Variants in SLA observed in about 807,000 individuals in gnomAD.
SLA encodes Src like adaptor, also known as src-like-adapter.
Under a neutral mutation model 30.3 loss-of-function variants are expected in SLA, and 16 were observed. That is an observed-to-expected ratio of 0.53 (90% CI 0.36 to 0.80). SLA has a LOEUF of 0.80. Among genes scored for constraint, SLA ranks in the 30% least tolerant of loss-of-function variants. The pLI, the probability that SLA is intolerant of heterozygous loss-of-function variation, is 0.01. For missense variants in SLA, 310 were observed against 345.2 expected (o/e 0.90, Z 0.81); for synonymous variants, 143 against 137.8 (o/e 1.04, Z -0.26).
intron 1 of SLA, among the ~76,000 whole-genome samples, chr8:133,100,173 C>T (rs191454058): frequency 6.6e-6 from 1 of 152,308 alleles, no homozygotes; most frequent in East Asian, 1.9e-4. Flanking sequence ...TATCAGGGTC[C>T]TGGTACTTGC....
rs756215414 is a variant in SLA, at chr8:133,040,175, T to C, written c.485-45A>G. ...GCCGGTCAGGGACCCTGGGGACGCC[T>C]CAGCCAGTGTGGGGTTCAGGCCTGA... On this transcript the variant is annotated intron_variant, in intron 7 of 8. Transcript: ENST00000338087. 28 of 1,557,044 alleles carry C rather than the reference T, an allele frequency of 1.8e-5. No homozygotes were observed. The South Asian group carries it at 3.1e-4, about 17-fold the overall frequency.
chr8:133,065,163 G>A (rs1455100270), intron 2 of SLA, among the ~76,000 whole-genome samples: 2 of 152,154 alleles, frequency 1.3e-5, no homozygotes, highest in Non-Finnish European at 2.9e-5. Flanking sequence ...CAACAACAAC[G>A]GTGATGACCA....
chr8:133,088,872 A>C (rs11995077), intron 1 of SLA, among the ~76,000 whole-genome samples: 5,498 of 152,320 alleles, frequency 0.036, 341 homozygotes, highest in African/African-American at 0.13. Flanking sequence ...TCAGGCTTTT[A>C]GGGATCAAGA....
intron 3 of SLA, among the ~76,000 whole-genome samples, chr8:133,056,981 G>T (rs973678260): frequency 1.3e-5 from 2 of 152,176 alleles, no homozygotes; most frequent in Non-Finnish European, 2.9e-5. Context: ...CTGCATTTCA[G>T]TTACTTCCCA....
chr8:133,065,989 C>A (rs541646817), intron 2 of SLA, among the ~76,000 whole-genome samples: 1 of 151,960 alleles, frequency 6.6e-6, no homozygotes, highest in South Asian at 2.1e-4. Flanking sequence ...GAGAGCGAGG[C>A]CAGTTGAGGC....
chr8:133,064,945 G>A (rs1267445717), intron 2 of SLA, among the ~76,000 whole-genome samples: 1 of 152,162 alleles, frequency 6.6e-6, no homozygotes, highest in East Asian at 1.9e-4. Context: ...ACCAAGGGAA[G>A]GCAGGTCATA....
intron 3 of SLA, among the ~76,000 whole-genome samples, chr8:133,051,611 A>T (rs573540030): frequency 6.6e-6 from 1 of 152,320 alleles, no homozygotes; most frequent in Admixed American, 6.5e-5. Flanking sequence ...GTGTATTGAA[A>T]GGAATTCTGG....
chr8:133,081,622 C>G (rs750281652), intron 1 of SLA, among the ~76,000 whole-genome samples: 2 of 152,178 alleles, frequency 1.3e-5, no homozygotes, highest in Non-Finnish European at 2.9e-5. Context: ...TCCACCACAA[C>G]TGTCTGCTGC....
intron 3 of SLA, among the ~76,000 whole-genome samples, chr8:133,051,998 G>T (rs1840491616): frequency 1.3e-5 from 2 of 152,138 alleles, no homozygotes; most frequent in South Asian, 2.1e-4. Context: ...TGTTCTACAG[G>T]ATACATAAAT....
intron 2 of SLA, among the ~76,000 whole-genome samples, chr8:133,072,568 CTTT>C (rs1458905898): frequency 6.6e-6 from 1 of 152,188 alleles, no homozygotes; most frequent in African/African-American, 2.4e-5. Flanking sequence ...TTGATGGGAA[CTTT>C]AAGTTTCAGC....
chr8:133,083,589 G>A (rs1452535007), intron 1 of SLA, among the ~76,000 whole-genome samples: 1 of 152,184 alleles, frequency 6.6e-6, no homozygotes, highest in Non-Finnish European at 1.5e-5. Context: ...TACAGATGAG[G>A]AAATGGAGAC....
Position 133,050,004 on chromosome 8 carries a change from C to G in SLA, c.162-16G>C. On this transcript the variant is annotated splice_polypyrimidine_tract_variant and intron_variant, in intron 4 of 8. Transcript: ENST00000338087. ...GCCCCCTTCACTGTAAGAACAAGAA[C>G]AGAGAAGAACACAGAGATAGGTAAA... The G allele has an allele frequency of 4.5e-6, 7 of 1,554,278 alleles. No homozygotes were observed. In the South Asian group the frequency reaches 7.8e-5, roughly 17 times the overall value.
chr8:133,052,456 G>T (rs996080760), intron 3 of SLA, among the ~76,000 whole-genome samples: 1 of 152,188 alleles, frequency 6.6e-6, no homozygotes, highest in South Asian at 2.1e-4. Context: ...AGAAACAGTC[G>T]TGTCGGGACG....
intron 1 of SLA, chr8:133,096,395 G>A: frequency 6.2e-7 from 1 of 1,614,000 alleles, no homozygotes; most frequent in Non-Finnish European, 8.5e-7. Context: ...GGGGGCCTCG[G>A]ATGTCTCCAG....
intron 1 of SLA, among the ~76,000 whole-genome samples, chr8:133,084,486 T>C (rs938295117): frequency 2.0e-5 from 3 of 152,240 alleles, no homozygotes; most frequent in African/African-American, 7.2e-5. Context: ...CTATCACTCA[T>C]GGTGTCACTT....
intron 1 of SLA, among the ~76,000 whole-genome samples, chr8:133,090,872 G>T (rs537900935): frequency 2.5e-4 from 38 of 152,020 alleles, no homozygotes; most frequent in African/African-American, 9.2e-4. Context: ...GCCTCACCCC[G>T]CACCCCCCGG....
Position 133,038,332 on chromosome 8 carries a change from G to C in SLA, c.*192C>G. ...TTTCGTGATGCCACAGCCCTGATCA[G>C]ACACCAGGGAGGGGTTCCTTTGGTC... is the stretch of plus-strand genomic sequence containing the variant. On this transcript the variant is annotated 3_prime_UTR_variant, in exon 9 of 9. Transcript: ENST00000338087. The C allele has an allele frequency of 1.7e-6, 1 of 604,898 alleles. No homozygotes were observed. 37.5% of individuals were successfully genotyped at this position (604,898 alleles called of 1,614,324 possible).
At chr8:133,047,560 A>G (rs1431747280) in intron 6 of SLA, 3 of 487,162 alleles carry the variant, frequency 6.2e-6, no homozygotes, top group African/African-American at 5.9e-5. Flanking sequence ...TTTTGTTCTC[A>G]GTTGCTGGAA....
intron 2 of SLA, among the ~76,000 whole-genome samples, chr8:133,065,483 C>T (rs570072405): frequency 1.7e-4 from 26 of 152,284 alleles, no homozygotes; most frequent in East Asian, 1.5e-3. Flanking sequence ...GTTATCAGGC[C>T]GGGCGCGGTG....
Sources: allele counts gnomAD v4.1 joint callset (sites outside exome capture counted in the v4.1 genomes callset), GRCh38; gene constraint gnomAD v4.1.1; transcripts MANE v1.5; gene names NCBI Gene and HGNC (gene_info 2026-07-23, HGNC 2026-07-21).